ATP8A1: variants seen among roughly 807,000 people sequenced by gnomAD.
The protein encoded by ATP8A1 is phospholipid-transporting ATPase IA.
ATP8A1 carries 90 observed loss-of-function variants against 177.7 expected under a neutral mutation model. That is an observed-to-expected ratio of 0.51 (90% CI 0.43 to 0.60). The LOEUF is 0.60. ATP8A1 is among the 20% of genes least tolerant of loss of function. The probability of loss-of-function intolerance (pLI) is 0.00; values close to 1 mark genes in which losing one functional copy is unlikely to be tolerated. For synonymous variants in ATP8A1, 493 were observed against 485.9 expected (o/e 1.01, Z -0.19); for missense variants, 1,072 against 1,392.8 (o/e 0.77, Z 3.67).
intron 6 of ATP8A1, among the ~76,000 whole-genome samples, 179 bp from the exon 7 acceptor site, chr4:42,591,063 C>T (rs1191125935): frequency 6.6e-6 from 1 of 151,882 alleles, no homozygotes; most frequent in Non-Finnish European, 1.5e-5. Context: ...GGTCTGAAGG[C>T]ATAAGAAAAC....
chr4:42,463,452 G>A (rs552124351), intron 27 of ATP8A1, among the ~76,000 whole-genome samples: 5 of 152,190 alleles, frequency 3.3e-5, no homozygotes, highest in Non-Finnish European at 5.9e-5. Flanking sequence ...TGATTGTGAG[G>A]CCTCCCCAGC....
At position 42,628,065 on chromosome 4, in the gene ATP8A1, C is replaced by T. The variant is rs181418996; in HGVS notation, c.50-956G>A. On this transcript the variant is annotated intron_variant, in intron 1 of 36. Coordinates refer to ENST00000381668, the MANE Select transcript of ATP8A1 (RefSeq NM_006095.2). ...CAGGTTCCCCCTACCAGAATGGGAACTCCCTAGGGCCATAGAGGGTGTGTT... is the reference window on the plus strand; with the variant it reads ...CAGGTTCCCCCTACCAGAATGGGAATTCCCTAGGGCCATAGAGGGTGTGTT... Among the ~76,000 whole-genome samples, 1,068 of 152,286 alleles carry T rather than the reference C, an allele frequency of 7.0e-3. 10 individuals carry two copies. The highest frequency in any genetic ancestry group is 0.027 in the Admixed American group (413 of 15,294).
intron 30 of ATP8A1, among the ~76,000 whole-genome samples, chr4:42,447,654 G>A (rs1288919893): frequency 3.9e-5 from 6 of 152,096 alleles, no homozygotes; most frequent in South Asian, 2.1e-4. Context: ...CATATTCAAC[G>A]TTTATTCAGA....
chr4:42,445,098 C>T (rs1717069612), intron 31 of ATP8A1, among the ~76,000 whole-genome samples: 1 of 152,228 alleles, frequency 6.6e-6, no homozygotes, highest in Non-Finnish European at 1.5e-5. Flanking sequence ...AATGCTTACT[C>T]TGGAACTTTA....
intron 20 of ATP8A1, among the ~76,000 whole-genome samples, chr4:42,530,914 G>A (rs753407152): frequency 4.6e-5 from 7 of 152,144 alleles, no homozygotes; most frequent in African/African-American, 1.4e-4. Context: ...CTGTTCCTGC[G>A]ACATTATGTT....
At chr4:42,578,682 A>G (rs1466218746) in intron 11 of ATP8A1, among the ~76,000 whole-genome samples, 1 of 152,142 alleles carries the variant, frequency 6.6e-6, no homozygotes, top group Non-Finnish European at 1.5e-5. Flanking sequence ...CAGGGATAGC[A>G]CTGAGGGTTT....
At chr4:42,580,893 G>T (rs923638314) in intron 10 of ATP8A1, among the ~76,000 whole-genome samples, 7 of 151,914 alleles carry the variant, frequency 4.6e-5, no homozygotes, top group African/African-American at 1.7e-4. Context: ...TATGAAAAAT[G>T]GTCATTTGAT....
At chr4:42,569,058 TA>T (rs1731641590) in intron 15 of ATP8A1, 102 bp downstream of exon 15, 16 of 493,752 alleles carry the variant, frequency 3.2e-5, no homozygotes, top group East Asian at 5.1e-5. Flanking sequence ...ATTTTATTTA[TA>T]TATATATATT....
chr4:42,566,213 T>G (rs566816319), intron 15 of ATP8A1, among the ~76,000 whole-genome samples: 1 of 152,242 alleles, frequency 6.6e-6, no homozygotes, highest in African/African-American at 2.4e-5. Context: ...GAGGTAATTA[T>G]GTTTTTTTAA....
At chr4:42,451,333 T>C (rs1018665415) in intron 30 of ATP8A1, among the ~76,000 whole-genome samples, 3 of 152,196 alleles carry the variant, frequency 2.0e-5, no homozygotes, top group Admixed American at 2.0e-4. Context: ...GCACGCTGAA[T>C]GGTTGGTGTC....
chr4:42,654,315 C>T (rs1274714772), intron 1 of ATP8A1, among the ~76,000 whole-genome samples: 2 of 152,130 alleles, frequency 1.3e-5, no homozygotes, highest in Non-Finnish European at 2.9e-5. Flanking sequence ...TCTTTAAGTC[C>T]TTTCTCCCCA....
chr4:42,566,833 C>T (rs1233866909), intron 15 of ATP8A1, among the ~76,000 whole-genome samples: 1 of 152,196 alleles, frequency 6.6e-6, no homozygotes, highest in Non-Finnish European at 1.5e-5. Flanking sequence ...GGGCAAACTG[C>T]TTCTTTGCCT....
intron 29 of ATP8A1, among the ~76,000 whole-genome samples, chr4:42,454,664 G>A (rs4552508): frequency 0.32 from 48,327 of 151,598 alleles, 8,230 homozygotes; most frequent in African/African-American, 0.44. Flanking sequence ...AAAATGAGGT[G>A]TGTGTGTGTG....
chr4:42,596,005 A>C (rs1734679985), intron 6 of ATP8A1, among the ~76,000 whole-genome samples: 1 of 152,224 alleles, frequency 6.6e-6, no homozygotes, highest in Non-Finnish European at 1.5e-5. Flanking sequence ...AAAGTTCTTT[A>C]CTGTAAGGAA....
intron 5 of ATP8A1, among the ~76,000 whole-genome samples, chr4:42,605,520 CAG>C (rs568594476): frequency 9.5e-4 from 144 of 152,284 alleles, no homozygotes; most frequent in African/African-American, 3.3e-3. Flanking sequence ...CAGATTATGC[CAG>C]AGAGTCTTCA....
chr4:42,543,494 T>C (rs1409298185), intron 20 of ATP8A1, among the ~76,000 whole-genome samples: 13 of 152,172 alleles, frequency 8.5e-5, no homozygotes, highest in Admixed American at 8.5e-4. Context: ...ATTAAAACAA[T>C]GCAAGACAAA....
rs1458180580 is a variant in ATP8A1, at chr4:42,601,566, A to G, written c.410-1048T>C. Reference sequence around the variant, plus strand: ...TAAAAATAAAAATAAAAATAAAAATAAAACAGGATAAGAGAGTATGTGAGG... The same window carrying G: ...TAAAAATAAAAATAAAAATAAAAATGAAACAGGATAAGAGAGTATGTGAGG... On this transcript the variant is annotated intron_variant, in intron 5 of 36. Transcript: ENST00000381668. Among the ~76,000 whole-genome samples the G allele has an allele frequency of 5.9e-5, 9 of 152,182 alleles. No homozygotes were observed. The East Asian group carries it at 1.7e-3, about 29-fold the overall frequency.
At chr4:42,594,570 T>C (rs1365068883) in intron 6 of ATP8A1, among the ~76,000 whole-genome samples, 2 of 152,124 alleles carry the variant, frequency 1.3e-5, no homozygotes, top group African/African-American at 4.8e-5. Flanking sequence ...ATATTGGATA[T>C]ATAACTTATC....
At position 42,644,034 on chromosome 4, in the gene ATP8A1, C is replaced by G. The variant is rs182667126; in HGVS notation, c.49+12791G>C. Among the ~76,000 whole-genome samples the G allele has an allele frequency of 2.5e-3, 387 of 152,312 alleles. 2 individuals carry two copies. The highest frequency in any genetic ancestry group is 4.4e-3 in the Non-Finnish European group (296 of 68,028). On this transcript the variant is annotated intron_variant, in intron 1 of 36. Coordinates refer to ENST00000381668, the MANE Select transcript of ATP8A1 (RefSeq NM_006095.2). ...TCTGGTACTGAGCAGACCAAAAACA[C>G]ATGAAACAAACAGTAACAATGGTGA...
Sources: allele counts gnomAD v4.1 joint callset (sites outside exome capture counted in the v4.1 genomes callset), GRCh38; gene constraint gnomAD v4.1.1; transcripts MANE v1.5; gene names NCBI Gene and HGNC (gene_info 2026-07-23, HGNC 2026-07-21).